SEL1L: variants seen among roughly 807,000 people sequenced by gnomAD.
SEL1L encodes protein sel-1 homolog 1.
A neutral mutation model predicts 109.8 loss-of-function variants in SEL1L; 52 were observed. That is an observed-to-expected ratio of 0.47 (90% CI 0.38 to 0.60). SEL1L has a LOEUF of 0.60. Ranked by LOEUF, SEL1L falls within the 20% of genes least tolerant of loss-of-function variation. The pLI, the probability that SEL1L is intolerant of heterozygous loss-of-function variation, is 0.00. For synonymous variants in SEL1L, 373 were observed against 339.6 expected (o/e 1.10, Z -1.08); for missense variants, 749 against 962.2 (o/e 0.78, Z 2.93).
intron 3 of SEL1L, among the ~76,000 whole-genome samples, chr14:81,507,847 A>T (rs1486811225): frequency 1.3e-5 from 2 of 152,306 alleles, no homozygotes; most frequent in East Asian, 1.9e-4. Flanking sequence ...TTAATTGGGT[A>T]GCAGAGCTCG....
At chr14:81,497,782 G>T in intron 10 of SEL1L, 110 bp downstream of exon 10, 4 of 943,638 alleles carry the variant, frequency 4.2e-6, no homozygotes, top group Non-Finnish European at 6.2e-6. Flanking sequence ...GTTCATAATT[G>T]CTCAGGGCAA....
intron 3 of SEL1L, among the ~76,000 whole-genome samples, chr14:81,513,679 G>T (rs1172045281): frequency 6.6e-6 from 1 of 152,158 alleles, no homozygotes; most frequent in Non-Finnish European, 1.5e-5. Flanking sequence ...GCACCTGTCA[G>T]CCAGTTAAAA....
chr14:81,530,710 AG>A (rs1472479391), intron 1 of SEL1L, among the ~76,000 whole-genome samples: 5 of 152,240 alleles, frequency 3.3e-5, no homozygotes, highest in East Asian at 3.8e-4. Flanking sequence ...AATAGAAAAG[AG>A]AAAATGTTTC....
chr14:81,492,845 C>T lies in SEL1L; in HGVS notation c.1186-297G>A, dbSNP rs978180398. The stretch of plus-strand genomic sequence containing the variant: ...AGCCTCCTGTTACTTACAGGCAAAG[C>T]GAACATCAGCCTGCTTAAAAGACAT... On this transcript the variant is annotated intron_variant, in intron 11 of 20. Transcript: ENST00000336735. Among the ~76,000 whole-genome samples, 8 of 152,272 alleles carry T rather than the reference C, an allele frequency of 5.3e-5. No individual in the cohort carries two copies. In the East Asian group the frequency reaches 1.3e-3, roughly 26 times the overall value.
At chr14:81,490,603 T>C (rs1883503606) in intron 12 of SEL1L, 138 bp from the exon 13 acceptor site, 4 of 694,770 alleles carry the variant, frequency 5.8e-6, no homozygotes, top group South Asian at 1.9e-5. Flanking sequence ...CAGGATATTT[T>C]AGAATTAAAA....
In SEL1L at chr14:81,471,610, A is replaced by T. The variant is rs1903017299; in HGVS notation, c.*5362T>A. ...TCAGTTAACTAACCACATTCCACTCAACTTACATGAGAAAAAATTGTGTGG... is the reference window on the plus strand; with the variant it reads ...TCAGTTAACTAACCACATTCCACTCTACTTACATGAGAAAAAATTGTGTGG... On this transcript the variant is annotated 3_prime_UTR_variant, in exon 21 of 21. Transcript: ENST00000336735. 6.6e-6 allele frequency: 1 copy of T among 152,190 alleles called. No homozygotes were observed. The highest frequency in any genetic ancestry group is 2.1e-4 in the South Asian group (1 of 4,832). 9.4% of individuals were successfully genotyped at this position (152,190 alleles called of 1,614,324 possible). A position where few individuals can be genotyped will look rare whatever the true frequency, so the allele number is the denominator to read the frequency against.
intron 5 of SEL1L, among the ~76,000 whole-genome samples, chr14:81,503,200 C>G (rs1432627887): frequency 1.3e-5 from 2 of 152,192 alleles, no homozygotes; most frequent in African/African-American, 4.8e-5. Flanking sequence ...CCATGTTGGT[C>G]AGGCTGATCT....
At chr14:81,513,465 C>T (rs1190600105) in intron 3 of SEL1L, among the ~76,000 whole-genome samples, 2 of 152,082 alleles carry the variant, frequency 1.3e-5, no homozygotes, top group Non-Finnish European at 2.9e-5. Flanking sequence ...TCCAGACGCG[C>T]CACCTTAAGA....
intron 6 of SEL1L, among the ~76,000 whole-genome samples, chr14:81,500,720 A>G (rs1011870269): frequency 6.6e-6 from 1 of 152,150 alleles, no homozygotes; most frequent in Non-Finnish European, 1.5e-5. Flanking sequence ...CTATGAAAAC[A>G]GACAAGATAT....
At chr14:81,525,342 C>T (rs1279150624) in intron 3 of SEL1L, among the ~76,000 whole-genome samples, 2 of 150,794 alleles carry the variant, frequency 1.3e-5, no homozygotes, top group African/African-American at 2.4e-5. Flanking sequence ...GAGTTCAAGG[C>T]TGCAGTGAAC....
chr14:81,476,661 AG>A lies in SEL1L; in HGVS notation c.*310del, dbSNP rs1903169562. 4 of 289,442 alleles carry A rather than the reference AG, an allele frequency of 1.4e-5. No homozygotes were observed. The Admixed American group carries it at 1.8e-4, about 13-fold the overall frequency. The allele number at this position is 289,442 out of a possible 1,614,324, so 17.9% of individuals were successfully genotyped here. A position where few individuals can be genotyped will look rare whatever the true frequency, so the allele number is the denominator to read the frequency against. The stretch of plus-strand genomic sequence containing the variant: ...CTGAAATAATGACCAAAAGGATCCA[AG>A]AAAGATAGCTGGATACAGTAGACAT... On this transcript the variant is annotated 3_prime_UTR_variant, in exon 21 of 21. Coordinates refer to ENST00000336735, the MANE Select transcript of SEL1L (RefSeq NM_005065.6).
chr14:81,531,397 T>C (rs896420983), intron 1 of SEL1L, among the ~76,000 whole-genome samples: 4 of 152,172 alleles, frequency 2.6e-5, no homozygotes, highest in Non-Finnish European at 5.9e-5. Context: ...CGACCTGCCC[T>C]GGGTAACCAC....
At chr14:81,508,966 C>T (rs925841080) in intron 3 of SEL1L, among the ~76,000 whole-genome samples, 1 of 152,156 alleles carries the variant, frequency 6.6e-6, no homozygotes, top group Non-Finnish European at 1.5e-5. Flanking sequence ...TCATCTACTG[C>T]TGATTCAGCA....
intron 3 of SEL1L, among the ~76,000 whole-genome samples, chr14:81,523,398 G>A (rs996842317): frequency 1.3e-5 from 2 of 152,124 alleles, no homozygotes; most frequent in Non-Finnish European, 2.9e-5. Flanking sequence ...AAGGTGGGTG[G>A]CGTGATCAGA....
chr14:81,485,795 T>C, intron 17 of SEL1L, 49 bp from the exon 18 acceptor site: 1 of 1,502,608 alleles, frequency 6.7e-7, no homozygotes, highest in Non-Finnish European at 9.2e-7. Context: ...GAAAAGGCAC[T>C]AGACTTAATT....
intron 3 of SEL1L, among the ~76,000 whole-genome samples, chr14:81,513,607 T>C (rs1407566211): frequency 6.6e-6 from 1 of 152,162 alleles, no homozygotes. Flanking sequence ...GTGAGTACCA[T>C]CAGACCCCTT....
intron 5 of SEL1L, among the ~76,000 whole-genome samples, chr14:81,503,538 T>C (rs906721277): frequency 1.3e-5 from 2 of 152,120 alleles, no homozygotes; most frequent in African/African-American, 4.8e-5. Context: ...AGGGTTGCAC[T>C]ATGCTGCCCA....
At chr14:81,495,851 G>A (rs1310040727) in intron 10 of SEL1L, among the ~76,000 whole-genome samples, 2 of 152,060 alleles carry the variant, frequency 1.3e-5, no homozygotes, top group Non-Finnish European at 2.9e-5. Flanking sequence ...CAGGAGAATT[G>A]CTTGAACCTG....
At chr14:81,481,891 C>T (rs1055161798) in intron 19 of SEL1L, among the ~76,000 whole-genome samples, 8 of 151,812 alleles carry the variant, frequency 5.3e-5, no homozygotes, top group African/African-American at 1.5e-4. Flanking sequence ...ATTAGCCGGG[C>T]GTGGTGGCAG....
Sources: gnomAD v4.1 joint callset for allele counts (sites outside exome capture counted in the v4.1 genomes callset) on GRCh38, gnomAD v4.1.1 for gene constraint, MANE v1.5 for transcripts, NCBI Gene and HGNC (gene_info 2026-07-23, HGNC 2026-07-21) for gene names.